SPDYA: variants seen among roughly 807,000 people sequenced by gnomAD.
The protein encoded by SPDYA is speedy/RINGO cell cycle regulator family member A.
SPDYA carries 11 observed loss-of-function variants against 36.7 expected under a neutral mutation model. That is an observed-to-expected ratio of 0.30 (90% confidence interval 0.19 to 0.50). The LOEUF (loss-of-function observed/expected upper bound fraction) is 0.50, where lower values mean the gene tolerates loss of function less well. Among genes scored for constraint, SPDYA ranks in the 20% least tolerant of loss-of-function variants. The pLI, the probability that SPDYA is intolerant of heterozygous loss-of-function variation, is 0.98. For missense variants in SPDYA, 287 were observed against 370.9 expected (o/e 0.77, Z 1.86); for synonymous variants, 115 against 118.7 (o/e 0.97, Z 0.20).
At chr2:28,835,945 C>G (rs1392139020) in intron 6 of SPDYA, among the ~76,000 whole-genome samples, 2 of 152,246 alleles carry the variant, frequency 1.3e-5, no homozygotes, top group Non-Finnish European at 2.9e-5. Context: ...GCAAGACATA[C>G]TGTTGAAAAT....
intron 7 of SPDYA, among the ~76,000 whole-genome samples, chr2:28,847,745 C>CAAA (rs10648612): frequency 0.016 from 2,158 of 137,344 alleles, 27 homozygotes; most frequent in Middle Eastern, 0.023. Flanking sequence ...GACTCTGTCT[C>CAAA]AAAAAAAAAA....
intron 7 of SPDYA, chr2:28,841,951 TAC>T (rs1668760874): frequency 6.6e-6 from 1 of 152,226 alleles, no homozygotes; most frequent in East Asian, 1.9e-4. Flanking sequence ...ACTGAATGTT[TAC>T]AATGTCCAAG....
Position 28,834,252 on chromosome 2 carries a change from C to A in SPDYA, c.552+4933C>A, listed in dbSNP as rs935421763. Among the ~76,000 whole-genome samples the A allele has an allele frequency of 2.6e-5, 4 of 152,260 alleles. No homozygotes were observed. In the South Asian group the frequency reaches 6.2e-4, roughly 24 times the overall value. ...TGAAGAGGATGTGGAGATACTGGAA[C>A]CCTCATACACTTCTTATGGAAATGT... On this transcript the variant is annotated intron_variant, in intron 6 of 7. Transcript: ENST00000334056.
At chr2:28,821,582 A>G (rs1668170166) in intron 4 of SPDYA, among the ~76,000 whole-genome samples, 1 of 152,182 alleles carries the variant, frequency 6.6e-6, no homozygotes. Flanking sequence ...AACTACCTGG[A>G]GTACTGTCTT....
At chr2:28,826,611 CT>C (rs777338299) in intron 5 of SPDYA, among the ~76,000 whole-genome samples, 6,524 of 74,898 alleles carry the variant, frequency 0.087, 56 homozygotes, top group African/African-American at 0.19. Flanking sequence ...TTCTTTCTCT[CT>C]TTTTTTTTTT....
intron 5 of SPDYA, among the ~76,000 whole-genome samples, chr2:28,827,708 G>C (rs1204256833): frequency 6.6e-6 from 1 of 152,060 alleles, no homozygotes; most frequent in Non-Finnish European, 1.5e-5. Flanking sequence ...TTTGATTGTG[G>C]TGTTCACTGG....
intron 6 of SPDYA, 32 bp from the exon 7 acceptor site, chr2:28,840,140 C>G: frequency 6.3e-7 from 1 of 1,578,120 alleles, no homozygotes; most frequent in Non-Finnish European, 8.6e-7. Flanking sequence ...TGAAATATTA[C>G]TAAAATTCTA....
At chr2:28,838,898 C>T (rs1180658015) in intron 6 of SPDYA, among the ~76,000 whole-genome samples, 1 of 152,196 alleles carries the variant, frequency 6.6e-6, no homozygotes, top group Non-Finnish European at 1.5e-5. Context: ...AATCACTGCT[C>T]TAGGCAATTA....
At chr2:28,820,505 G>A (rs753577258) in intron 4 of SPDYA, among the ~76,000 whole-genome samples, 13 of 152,004 alleles carry the variant, frequency 8.6e-5, no homozygotes, top group Non-Finnish European at 1.9e-4. Flanking sequence ...AGAATTGCTT[G>A]ATCCCAGAAG....
intron 2 of SPDYA, 55 bp from the exon 3 acceptor site, chr2:28,815,942 G>C: frequency 8.5e-7 from 1 of 1,178,072 alleles, no homozygotes; most frequent in Non-Finnish European, 1.2e-6. Flanking sequence ...CCAGTTAGTT[G>C]TTTATATATG....
At chr2:28,818,340 G>A (rs950086807) in intron 3 of SPDYA, among the ~76,000 whole-genome samples, 4 of 151,488 alleles carry the variant, frequency 2.6e-5, no homozygotes, top group African/African-American at 9.7e-5. Flanking sequence ...GGTGGCATAT[G>A]CACCTGTAGT....
chr2:28,824,116 A>G (rs899557825), intron 5 of SPDYA, among the ~76,000 whole-genome samples: 1 of 152,126 alleles, frequency 6.6e-6, no homozygotes, highest in Non-Finnish European at 1.5e-5. Flanking sequence ...ATACCACAAT[A>G]GCTGTCAGCA....
chr2:28,821,690 G>A (rs1668172209), intron 4 of SPDYA, among the ~76,000 whole-genome samples: 1 of 152,094 alleles, frequency 6.6e-6, no homozygotes, highest in African/African-American at 2.4e-5. Flanking sequence ...AATGTCTTAC[G>A]AGAGATAATC....
At chr2:28,834,864 C>G (rs1437885205) in intron 6 of SPDYA, among the ~76,000 whole-genome samples, 3 of 152,134 alleles carry the variant, frequency 2.0e-5, no homozygotes, top group Admixed American at 6.6e-5. Flanking sequence ...ATTTTAATTA[C>G]ATTTCAAAGC....
At chr2:28,846,077 C>T (rs1668867475) in intron 7 of SPDYA, among the ~76,000 whole-genome samples, 1 of 151,962 alleles carries the variant, frequency 6.6e-6, no homozygotes, top group South Asian at 2.1e-4. Flanking sequence ...ACCTAAATTT[C>T]CCTCTAGAAC....
At chr2:28,839,826 A>T (rs1241631261) in intron 6 of SPDYA, among the ~76,000 whole-genome samples, 1 of 152,186 alleles carries the variant, frequency 6.6e-6, no homozygotes, top group Non-Finnish European at 1.5e-5. Context: ...AACCCAATAC[A>T]TTCCAAAGTT....
At chr2:28,817,752 G>A in intron 3 of SPDYA, among the ~76,000 whole-genome samples, 1 of 150,740 alleles carries the variant, frequency 6.6e-6, no homozygotes, top group East Asian at 1.9e-4. Flanking sequence ...TTGGGAGGCG[G>A]AGGCAGGAGA....
chr2:28,847,754 A>AAAG (rs1415319789), intron 7 of SPDYA, among the ~76,000 whole-genome samples: 9 of 134,006 alleles, frequency 6.7e-5, no homozygotes, highest in Non-Finnish European at 1.5e-4. Flanking sequence ...TCAAAAAAAA[A>AAAG]AAAGAAAAAG....
chr2:28,850,426 T>G lies in SPDYA; in HGVS notation c.*485T>G, dbSNP rs1669028906. On this transcript the variant is annotated 3_prime_UTR_variant, in exon 8 of 8. Coordinates refer to ENST00000334056, the MANE Select transcript of SPDYA (RefSeq NM_182756.4). ...TTCTTCTGTTGTAAAAAAATATATG[T>G]ACTATAAGCTACATAAAATATTTTC... 1 of 1,428,578 alleles carries G rather than the reference T, an allele frequency of 7.0e-7. No individual in the cohort carries two copies. The allele number at this position is 1,428,578 out of a possible 1,614,324, so 88.5% of individuals were successfully genotyped here. A position where few individuals can be genotyped will look rare whatever the true frequency, so the allele number is the denominator to read the frequency against.
Sources: allele counts gnomAD v4.1 joint callset (sites outside exome capture counted in the v4.1 genomes callset), GRCh38; gene constraint gnomAD v4.1.1; transcripts MANE v1.5; gene names NCBI Gene and HGNC (gene_info 2026-07-23, HGNC 2026-07-21).